NECTIN3: variants seen among roughly 807,000 people sequenced by gnomAD.
The protein encoded by NECTIN3 is nectin cell adhesion molecule 3.
A neutral mutation model predicts 49.4 loss-of-function variants in NECTIN3; 8 were observed. The observed-to-expected ratio is 0.16, with a 90% CI of 0.10 to 0.29. The LOEUF (loss-of-function observed/expected upper bound fraction) is 0.29, where lower values mean the gene tolerates loss of function less well. NECTIN3 is among the 10% of genes least tolerant of loss of function. The pLI, the probability that NECTIN3 is intolerant of heterozygous loss-of-function variation, is 1.00. For missense variants in NECTIN3, 581 were observed against 654.6 expected (o/e 0.89, Z 1.23); for synonymous variants, 277 against 241.1 (o/e 1.15, Z -1.38).
At position 111,133,894 on chromosome 3, in the gene NECTIN3, C is replaced by T. The variant is rs977027401; in HGVS notation, c.1329C>T (p.Tyr443=). ...GTGGAGACTACTTTGCCAAGAACTA[C>T]ATTCCACCATCAGATATGCAAAAAG... ...TFRGDYFAKN[Y]IPPSDMQKES... The change falls in exon 6 of 6, where the codon TAC becomes TAT. Residue 443 remains tyrosine (Y), a synonymous_variant. Transcript: ENST00000485303. 1.2e-6 allele frequency: 2 copies of T among 1,613,832 alleles called. No homozygotes were observed. Among genetic ancestry groups the T allele is most frequent in the African/African-American group, 1.3e-5 (1 of 74,890 alleles).
chr3:111,078,560 C>A, intron 1 of NECTIN3, among the ~76,000 whole-genome samples: 1 of 152,154 alleles, frequency 6.6e-6, no homozygotes, highest in East Asian at 1.9e-4. Context: ...TAAAATATCC[C>A]ATTTAACAAA....
intron 1 of NECTIN3, chr3:111,074,250 A>G (rs772094877): frequency 5.0e-5 from 23 of 456,382 alleles, no homozygotes; most frequent in African/African-American, 1.6e-4. Context: ...ATTTTCTTCA[A>G]GTAAGCTGTT....
rs879304338 is a variant in NECTIN3, at chr3:111,071,965, G to GGCCGGGGGAGCCGGGGGA, written c.-36_-35insAGCCGGGGGAGCCGGGGG. ...CTCCGCCCAGAGCCTGAGGCGCCGG[G>GGCCGGGGGAGCCGGGGGA]GCCGGGGGAGCCGGGGGGCGGGCGG... On this transcript the variant is annotated 5_prime_UTR_variant, in exon 1 of 6. Coordinates refer to ENST00000485303, the MANE Select transcript of NECTIN3 (RefSeq NM_015480.3). 7.7e-5 allele frequency: 102 copies of GGCCGGGGGAGCCGGGGGA among 1,321,662 alleles called. No individual in the cohort carries two copies. The highest frequency in any genetic ancestry group is 9.5e-5 in the Non-Finnish European group (96 of 1,014,732). The allele number at this position is 1,321,662 out of a possible 1,614,324, so 81.9% of individuals were successfully genotyped here. A position where few individuals can be genotyped will look rare whatever the true frequency, so the allele number is the denominator to read the frequency against.
At chr3:111,077,975 C>A (rs766408608) in intron 1 of NECTIN3, among the ~76,000 whole-genome samples, 2 of 152,046 alleles carry the variant, frequency 1.3e-5, no homozygotes, top group Non-Finnish European at 2.9e-5. Flanking sequence ...TTATTTAACA[C>A]AATGTAACCA....
chr3:111,150,568 T>C (rs1416633625), intron 7 of NECTIN3, among the ~76,000 whole-genome samples: 1 of 151,968 alleles, frequency 6.6e-6, no homozygotes, highest in Non-Finnish European at 1.5e-5. Flanking sequence ...AGCTTATTGG[T>C]GTGTTTTTAG....
intron 3 of NECTIN3, 21 bp from the exon 4 acceptor site, chr3:111,122,100 T>C: frequency 6.9e-7 from 1 of 1,446,452 alleles, no homozygotes; most frequent in Non-Finnish European, 9.7e-7. Context: ...TAATCTGTCC[T>C]GTCATGCATT....
chr3:111,146,295 G>A lies in NECTIN3; in HGVS notation c.1140-1108G>A, dbSNP rs1397173438. Among the ~76,000 whole-genome samples, 15 of 150,922 alleles carry A rather than the reference G, an allele frequency of 9.9e-5. No homozygotes were observed. The South Asian group carries it at 1.5e-3, about 15-fold the overall frequency. The stretch of plus-strand genomic sequence containing the variant: ...TAAAAATACAAAAAATTAGCCGGGC[G>A]TAGTGGCGGGCGCCTGTAGTCCCAG... On this transcript the variant is annotated intron_variant, in intron 6 of 8. Transcript: ENST00000493615.
At chr3:111,084,398 G>T (rs1029838969) in intron 1 of NECTIN3, among the ~76,000 whole-genome samples, 8 of 152,178 alleles carry the variant, frequency 5.3e-5, no homozygotes, top group Non-Finnish European at 8.8e-5. Context: ...GGAGGCAGTA[G>T]TAAGTTTATG....
chr3:111,112,415 T>C (rs996439190), intron 2 of NECTIN3, 44 bp downstream of exon 2: 1 of 1,121,610 alleles, frequency 8.9e-7, no homozygotes, highest in Non-Finnish European at 1.2e-6. Flanking sequence ...GTGGTGAAGA[T>C]TATAATAAAA....
chr3:111,193,447 C>A, intron 1 of NECTIN3: 1 of 1,430,158 alleles, frequency 7.0e-7, no homozygotes, highest in African/African-American at 1.4e-5. Context: ...AAGCTAAGGC[C>A]AATAGTTATT....
At chr3:111,108,140 A>G (rs532860142) in intron 1 of NECTIN3, among the ~76,000 whole-genome samples, 108 of 152,314 alleles carry the variant, frequency 7.1e-4, no homozygotes, top group African/African-American at 2.5e-3. Flanking sequence ...AATTAAAATA[A>G]AAGATGAAAA....
chr3:111,147,093 A>G (rs2034891497), intron 6 of NECTIN3, among the ~76,000 whole-genome samples: 1 of 152,190 alleles, frequency 6.6e-6, no homozygotes, highest in South Asian at 2.1e-4. Context: ...GACATAGTCA[A>G]ATATTAAAAC....
At chr3:111,074,143 A>T (rs767367680) in intron 1 of NECTIN3, 4 of 448,060 alleles carry the variant, frequency 8.9e-6, no homozygotes, top group African/African-American at 6.0e-5. Flanking sequence ...GTGAACCTTT[A>T]TGACGAGTTT....
chr3:111,073,377 G>A (rs1412650051), intron 1 of NECTIN3: 1 of 152,230 alleles, frequency 6.6e-6, no homozygotes, highest in Non-Finnish European at 1.5e-5. Flanking sequence ...TATGAGGGAA[G>A]CAAAGTTTGC....
chr3:111,192,188 A>G (rs527841689), upstream of NECTIN3, among the ~76,000 whole-genome samples: 2 of 152,290 alleles, frequency 1.3e-5, no homozygotes, highest in Admixed American at 6.5e-5. Context: ...GAAACTCTTT[A>G]AAAAAATATG....
chr3:111,086,049 C>G (rs1394937833), intron 1 of NECTIN3, among the ~76,000 whole-genome samples: 2 of 152,056 alleles, frequency 1.3e-5, no homozygotes, highest in African/African-American at 4.8e-5. Flanking sequence ...TTTGTAATTC[C>G]TTAATGATTG....
chr3:111,173,574 T>A (rs1404227227), intron 7 of NECTIN3, among the ~76,000 whole-genome samples: 1 of 152,208 alleles, frequency 6.6e-6, no homozygotes, highest in Non-Finnish European at 1.5e-5. Flanking sequence ...GCCCCTGTAA[T>A]ACATTCCTTT....
At chr3:111,112,871 A>G (rs534231748) in intron 2 of NECTIN3, among the ~76,000 whole-genome samples, 13 of 152,114 alleles carry the variant, frequency 8.5e-5, no homozygotes, top group Non-Finnish European at 1.5e-4. Flanking sequence ...ATATTCCACT[A>G]TTTCCTATGA....
intron 7 of NECTIN3, among the ~76,000 whole-genome samples, chr3:111,165,715 T>C (rs906387902): frequency 1.8e-4 from 27 of 152,210 alleles, no homozygotes; most frequent in Non-Finnish European, 7.3e-5. Flanking sequence ...CTACTTTGCA[T>C]GAGCATCACT....
Sources: gnomAD v4.1 joint callset for allele counts (sites outside exome capture counted in the v4.1 genomes callset) on GRCh38, gnomAD v4.1.1 for gene constraint, MANE v1.5 for transcripts, NCBI Gene and HGNC (gene_info 2026-07-23, HGNC 2026-07-21) for gene names.